TRA2B: variants seen among roughly 807,000 people sequenced by gnomAD.
TRA2B encodes transformer 2 beta homolog.
TRA2B carries 14 observed loss-of-function variants against 41.7 expected under a neutral mutation model. The ratio of observed to expected loss-of-function variants is 0.34; its 90% CI spans 0.22 to 0.53. TRA2B has a LOEUF of 0.53. Ranked by LOEUF, TRA2B falls within the 20% of genes least tolerant of loss-of-function variation. The pLI is 0.95. For synonymous variants in TRA2B, 130 were observed against 128.8 expected, an observed-to-expected ratio of 1.01 and a Z score of -0.06; for missense variants, 167 against 396.8, an observed-to-expected ratio of 0.42 and a Z score of 4.92.
At chr3:185,924,028 A>G (rs751483711) in intron 3 of TRA2B, 44 bp from the exon 4 acceptor site, 5 of 1,554,236 alleles carry the variant, frequency 3.2e-6, no homozygotes, top group Non-Finnish European at 4.3e-6. Context: ...AGTTGTCATA[A>G]AATCAAAGTT....
intron 1 of TRA2B, 148 bp from the exon 2 acceptor site, chr3:185,926,882 G>T: frequency 2.3e-6 from 2 of 875,740 alleles, no homozygotes; most frequent in Non-Finnish European, 3.4e-6. Flanking sequence ...TATACCTGGT[G>T]TTAATAGTTT....
chr3:185,937,572 T>G, intron 1 of TRA2B: 2 of 654,890 alleles, frequency 3.1e-6, no homozygotes, highest in Non-Finnish European at 1.9e-6. Context: ...CCCCCTCTTA[T>G]AACGGGAAAA....
intron 6 of TRA2B, among the ~76,000 whole-genome samples, chr3:185,919,902 A>G (rs895057413): frequency 7.9e-5 from 12 of 152,220 alleles, no homozygotes; most frequent in African/African-American, 2.4e-4. Flanking sequence ...ATTGCCAAAT[A>G]ATGCACAAAA....
chr3:185,917,734 A>C lies in TRA2B; in HGVS notation c.857-9T>G. 6.2e-7 allele frequency: 1 copy of C among 1,612,408 alleles called. No homozygotes were observed. Among genetic ancestry groups the C allele is most frequent in the Non-Finnish European group, 8.5e-7 (1 of 1,178,760 alleles). On this transcript the variant is annotated splice_polypyrimidine_tract_variant and intron_variant, in intron 8 of 8. Transcript: ENST00000453386. ...CATGCTTTAATAGCGACCTGGGAAGAAAAGAATGAACATGCTTTAATATTA... is the reference window on the plus strand; with the variant it reads ...CATGCTTTAATAGCGACCTGGGAAGCAAAGAATGAACATGCTTTAATATTA...
At chr3:185,932,062 T>C (rs974735773) in intron 1 of TRA2B, among the ~76,000 whole-genome samples, 2 of 152,116 alleles carry the variant, frequency 1.3e-5, no homozygotes, top group Non-Finnish European at 2.9e-5. Context: ...CTACTCCAAA[T>C]AGACTTATCA....
intron 1 of TRA2B, chr3:185,927,949 G>A (rs1744015187): frequency 6.6e-6 from 1 of 152,190 alleles, no homozygotes; most frequent in African/African-American, 2.4e-5. Context: ...CCAGAGAGCA[G>A]AAATGGCAAG....
chr3:185,929,993 G>A (rs532925908), intron 1 of TRA2B, among the ~76,000 whole-genome samples: 6 of 152,230 alleles, frequency 3.9e-5, no homozygotes, highest in African/African-American at 1.4e-4. Context: ...ACAGAAGCCG[G>A]CCTCCTCCTC....
intron 1 of TRA2B, chr3:185,937,481 C>A: frequency 3.7e-6 from 4 of 1,076,022 alleles, no homozygotes; most frequent in Non-Finnish European, 4.5e-6. Context: ...CTGCGGCGGA[C>A]CTTCGCAGGA....
At chr3:185,928,131 A>G (rs1009518065) in intron 1 of TRA2B, 1 of 152,222 alleles carries the variant, frequency 6.6e-6, no homozygotes, top group African/African-American at 2.4e-5. Context: ...ACACTTTAGA[A>G]GATAGTTTTG....
At position 185,923,871 on chromosome 3, in the gene TRA2B, A is replaced by G. The variant is rs750383530; in HGVS notation, c.447T>C (p.Ile149=). 1.9e-6 allele frequency: 3 copies of G among 1,614,202 alleles called. No homozygotes were observed. The highest frequency in any genetic ancestry group is 2.5e-6 in the Non-Finnish European group (3 of 1,180,030). The change falls in exon 4 of 9, where the codon ATT becomes ATC. Residue 149 remains isoleucine, a synonymous_variant. Transcript: ENST00000453386. ...SKYGPIADVS[I]VYDQQSRRSR... ...AACGCCTAGACTGCTGGTCATATAC[A>G]ATAGACACATCGGCAATGGGACCAT...
At chr3:185,936,136 A>G in intron 1 of TRA2B, 1 of 985,422 alleles carries the variant, frequency 1.0e-6, no homozygotes, top group African/African-American at 1.7e-5. Flanking sequence ...TTCAATCGAG[A>G]GCTCTAGTCA....
At chr3:185,919,536 G>A (rs779734563) in intron 6 of TRA2B, 40 bp from the exon 7 acceptor site, 5 of 1,552,564 alleles carry the variant, frequency 3.2e-6, no homozygotes, top group Non-Finnish European at 3.5e-6. Flanking sequence ...CATTCAGTTT[G>A]TAAGTTTTAA....
chr3:185,916,814 T>C lies in TRA2B; in HGVS notation c.*901A>G, dbSNP rs1247737240. 1 of 152,646 alleles carries C rather than the reference T, an allele frequency of 6.6e-6. No individual in the cohort carries two copies. Among genetic ancestry groups the C allele is most frequent in the African/African-American group, 2.4e-5 (1 of 41,460 alleles). The allele number at this position is 152,646 out of a possible 1,614,324, so 9.5% of individuals were successfully genotyped here. Reference sequence around the variant, plus strand: ...TTGAGTGAAATTGGGCCTCCTTTGGTAAGCAAAGGACCTGAAAATAATATT... The same window carrying C: ...TTGAGTGAAATTGGGCCTCCTTTGGCAAGCAAAGGACCTGAAAATAATATT... On this transcript the variant is annotated 3_prime_UTR_variant, in exon 9 of 9. Coordinates refer to ENST00000453386, the MANE Select transcript of TRA2B (RefSeq NM_004593.3).
At chr3:185,922,253 G>A (rs973603664) in intron 4 of TRA2B, 127 bp from the exon 5 acceptor site, 16 of 566,410 alleles carry the variant, frequency 2.8e-5, no homozygotes, top group African/African-American at 9.5e-5. Flanking sequence ...TAGCCAGAAC[G>A]TAAGGTCTAC....
intron 6 of TRA2B, among the ~76,000 whole-genome samples, chr3:185,920,391 G>A (rs774720128): frequency 7.2e-5 from 11 of 152,098 alleles, no homozygotes; most frequent in African/African-American, 1.2e-4. Flanking sequence ...TGCTCTGGGG[G>A]AGGAGACTCA....
chr3:185,936,723 T>C (rs895938541), intron 1 of TRA2B: 7 of 984,552 alleles, frequency 7.1e-6, no homozygotes, highest in Non-Finnish European at 8.4e-6. Flanking sequence ...GCCTCAAAAA[T>C]CAATTTCTAT....
At position 185,922,146 on chromosome 3, in the gene TRA2B, T is replaced by A. The variant is rs764004620; in HGVS notation, c.523-20A>T. On this transcript the variant is annotated intron_variant, in intron 4 of 8. Coordinates refer to ENST00000453386, the MANE Select transcript of TRA2B (RefSeq NM_004593.3). The stretch of plus-strand genomic sequence containing the variant: ...TTTAGCCTTCAAAAGGTAAATAAAT[T>A]GTTACATACATCCTGAACAAAGCCA... 3 of 1,579,740 alleles carry A rather than the reference T, an allele frequency of 1.9e-6. No individual in the cohort carries two copies. Among genetic ancestry groups the A allele is most frequent in the Non-Finnish European group, 2.6e-6 (3 of 1,150,610 alleles).
At chr3:185,926,212 C>CAT (rs1743946069) in intron 2 of TRA2B, among the ~76,000 whole-genome samples, 1 of 151,254 alleles carries the variant, frequency 6.6e-6, no homozygotes, top group East Asian at 1.9e-4. Flanking sequence ...AAAAGCGCAC[C>CAT]ATATATATAC....
chr3:185,924,076 T>C, intron 3 of TRA2B, 92 bp from the exon 4 acceptor site: 1 of 1,129,588 alleles, frequency 8.9e-7, no homozygotes, highest in Non-Finnish European at 1.2e-6. Context: ...AAAATGTCAC[T>C]AACAAGAAAA....
Sources: gnomAD v4.1 joint callset for allele counts (sites outside exome capture counted in the v4.1 genomes callset) on GRCh38, gnomAD v4.1.1 for gene constraint, MANE v1.5 for transcripts, NCBI Gene and HGNC (gene_info 2026-07-23, HGNC 2026-07-21) for gene names.